The following RALGAPA2 variants were observed in gnomAD, a reference collection of about 807,000 sequenced individuals.
RALGAPA2 encodes the protein ral GTPase-activating protein subunit alpha-2.
In RALGAPA2, 139 loss-of-function variants were observed where a neutral mutation model predicts 230.4. The observed-to-expected ratio is 0.60, with a 90% CI of 0.53 to 0.69. RALGAPA2 has a LOEUF of 0.69. Among genes scored for constraint, RALGAPA2 ranks in the 30% least tolerant of loss-of-function variants. The pLI, the probability that RALGAPA2 is intolerant of heterozygous loss-of-function variation, is 0.00. For missense variants in RALGAPA2, 2,163 were observed against 2,276.0 expected, an observed-to-expected ratio of 0.95 and a Z score of 1.01; for synonymous variants, 847 against 837.8, an observed-to-expected ratio of 1.01 and a Z score of -0.19.
At position 20,635,592 on chromosome 20, in the gene RALGAPA2, A is replaced by C; in HGVS notation, c.831T>G (p.Pro277=). The stretch of plus-strand genomic sequence containing the variant: ...TGTCTCGAGTGGTAGTAATGTACAC[A>C]GGCTTTGGTCTCAAATGGGGGATGT... The part of the protein sequence containing the change: ...VLDIPHLRPK[P]VYITTTRDNE... The change falls in exon 9 of 40, where the codon CCT becomes CCG. Residue 277 remains proline, a synonymous_variant. Transcript: ENST00000202677. 6.4e-7 allele frequency: 1 copy of C among 1,568,328 alleles called. No individual in the cohort carries two copies. Among genetic ancestry groups the C allele is most frequent in the Non-Finnish European group, 8.6e-7 (1 of 1,164,430 alleles).
chr20:20,637,533 A>C, intron 7 of RALGAPA2, 32 bp from the exon 8 acceptor site: 1 of 1,505,872 alleles, frequency 6.6e-7, no homozygotes, highest in Non-Finnish European at 8.9e-7. Flanking sequence ...GAACATATGT[A>C]TATTTATATT....
rs189453819 is a variant in RALGAPA2, at chr20:20,438,091, A to C, written c.5496-25943T>G. On this transcript the variant is annotated intron_variant, in intron 37 of 39. Transcript: ENST00000202677. ...CCCTGAACTTGGATGGTAAAAAAGC[A>C]CATCTTCATTCTCACTATCCTATCC... 2.5e-4 allele frequency among the ~76,000 whole-genome samples: 38 copies of C among 152,338 alleles called. 1 individual carries two copies. The highest frequency in any genetic ancestry group is 2.5e-3 in the Admixed American group (38 of 15,314).
At chr20:20,624,346 A>G (rs976302389) in intron 10 of RALGAPA2, among the ~76,000 whole-genome samples, 7 of 151,592 alleles carry the variant, frequency 4.6e-5, no homozygotes, top group South Asian at 4.1e-4. Context: ...AAAAAAAAAA[A>G]AAAGAAAGGC....
chr20:20,493,964 G>A (rs2062134408), intron 36 of RALGAPA2, among the ~76,000 whole-genome samples: 1 of 152,126 alleles, frequency 6.6e-6, no homozygotes. Context: ...ATGAATTCAG[G>A]AGTTGACCCA....
chr20:20,431,310 T>C (rs189739663), intron 37 of RALGAPA2, among the ~76,000 whole-genome samples: 3 of 152,286 alleles, frequency 2.0e-5, no homozygotes, highest in Admixed American at 2.0e-4. Flanking sequence ...GACAGCAGGC[T>C]GACAATGCAT....
intron 27 of RALGAPA2, among the ~76,000 whole-genome samples, chr20:20,528,109 C>T (rs2063268392): frequency 6.6e-6 from 1 of 152,096 alleles, no homozygotes; most frequent in Non-Finnish European, 1.5e-5. Flanking sequence ...GTATGGGTGG[C>T]AAGGCCCAGG....
intron 10 of RALGAPA2, among the ~76,000 whole-genome samples, chr20:20,625,802 G>C (rs982041796): frequency 1.3e-5 from 2 of 152,102 alleles, no homozygotes; most frequent in African/African-American, 4.8e-5. Flanking sequence ...AAGTGACCCA[G>C]TGACCAGGAC....
intron 36 of RALGAPA2, among the ~76,000 whole-genome samples, chr20:20,481,428 G>T (rs2061772556): frequency 6.6e-6 from 1 of 152,184 alleles, no homozygotes; most frequent in Non-Finnish European, 1.5e-5. Context: ...CCTACCGAGA[G>T]GCAGGCCACA....
chr20:20,632,252 G>A (rs996383923), intron 9 of RALGAPA2, among the ~76,000 whole-genome samples: 6 of 151,770 alleles, frequency 4.0e-5, no homozygotes, highest in East Asian at 1.9e-4. Context: ...GGATGGTCTC[G>A]ATCTCCTGAC....
At chr20:20,494,672 A>G (rs2123600269) in intron 36 of RALGAPA2, among the ~76,000 whole-genome samples, 1 of 152,340 alleles carries the variant, frequency 6.6e-6, no homozygotes, top group East Asian at 1.9e-4. Context: ...GATTGACCCC[A>G]TTAGCACAGT....
intron 38 of RALGAPA2, among the ~76,000 whole-genome samples, chr20:20,399,612 AC>A (rs1295723976): frequency 6.6e-6 from 1 of 152,200 alleles, no homozygotes; most frequent in African/African-American, 2.4e-5. Flanking sequence ...TGCTTCTTCC[AC>A]CTTGTGTGAC....
At chr20:20,678,899 C>T (rs2068428493) in intron 2 of RALGAPA2, among the ~76,000 whole-genome samples, 1 of 152,170 alleles carries the variant, frequency 6.6e-6, no homozygotes, top group African/African-American at 2.4e-5. Flanking sequence ...AGCTGCACCT[C>T]ATGCACCAAT....
In RALGAPA2 at chr20:20,655,456, T is replaced by C. The variant is rs889093344; in HGVS notation, c.271-1869A>G. On this transcript the variant is annotated intron_variant, in intron 3 of 39. Coordinates refer to ENST00000202677, the MANE Select transcript of RALGAPA2 (RefSeq NM_020343.4). ...AAATGAGGACACTTGAGCTGAGACT[T>C]AGAAGATGAATTAAATTCGCCTAGT... 2.6e-5 allele frequency among the ~76,000 whole-genome samples: 4 copies of C among 151,624 alleles called. No homozygotes were observed. In the South Asian group the frequency reaches 6.2e-4, roughly 24 times the overall value.
intron 36 of RALGAPA2, among the ~76,000 whole-genome samples, chr20:20,473,639 C>T (rs2061587025): frequency 6.6e-6 from 1 of 152,108 alleles, no homozygotes; most frequent in African/African-American, 2.4e-5. Flanking sequence ...ACCACCACAC[C>T]CAGCTTCTGT....
chr20:20,699,048 T>A (rs1667762893), intron 1 of RALGAPA2, among the ~76,000 whole-genome samples: 1 of 152,256 alleles, frequency 6.6e-6, no homozygotes, highest in Non-Finnish European at 1.5e-5. Flanking sequence ...AACATTCTTA[T>A]GGGTCTTGGC....
chr20:20,513,314 G>A (rs202132426), intron 31 of RALGAPA2, 30 bp from the exon 32 acceptor site: 36 of 1,384,004 alleles, frequency 2.6e-5, no homozygotes. Flanking sequence ...AACATAAAGA[G>A]TCAGTGGTGA....
chr20:20,575,451 A>G (rs1407556522), intron 20 of RALGAPA2, among the ~76,000 whole-genome samples: 1 of 151,720 alleles, frequency 6.6e-6, no homozygotes, highest in Non-Finnish European at 1.5e-5. Flanking sequence ...TTCCTGCTCA[A>G]AGAGTATGAA....
chr20:20,704,040 G>A (rs887306019), intron 1 of RALGAPA2, among the ~76,000 whole-genome samples: 1 of 152,062 alleles, frequency 6.6e-6, no homozygotes, highest in Non-Finnish European at 1.5e-5. Context: ...CACAGAAGAG[G>A]GAGCAAGACA....
chr20:20,489,927 G>A (rs1374473642), intron 36 of RALGAPA2, among the ~76,000 whole-genome samples: 4 of 152,204 alleles, frequency 2.6e-5, no homozygotes, highest in African/African-American at 9.7e-5. Flanking sequence ...GGCTGGCTCT[G>A]GCTGGCCAAA....
Sources: gnomAD v4.1 joint callset for allele counts (sites outside exome capture counted in the v4.1 genomes callset) on GRCh38, gnomAD v4.1.1 for gene constraint, MANE v1.5 for transcripts, NCBI Gene and HGNC (gene_info 2026-07-23, HGNC 2026-07-21) for gene names.